Variants in ACSF2 observed in about 807,000 individuals in gnomAD.
ACSF2 encodes acyl-CoA synthetase family member 2, also known as medium-chain acyl-CoA ligase ACSF2, mitochondrial.
A neutral mutation model predicts 79.3 loss-of-function variants in ACSF2; 52 were observed. That is an observed-to-expected ratio of 0.66 (90% CI 0.53 to 0.83). The LOEUF is 0.83. Among genes scored for constraint, ACSF2 ranks in the 40% least tolerant of loss-of-function variants. The pLI, the probability that ACSF2 is intolerant of heterozygous loss-of-function variation, is 0.00. For synonymous variants in ACSF2, 283 were observed against 312.6 expected (o/e 0.91, Z 1.00); for missense variants, 661 against 803.3 (o/e 0.82, Z 2.14).
chr17:50,429,451 C>T (rs528522870), intron 1 of ACSF2, among the ~76,000 whole-genome samples: 68 of 152,092 alleles, frequency 4.5e-4, no homozygotes, highest in Middle Eastern at 3.4e-3. Flanking sequence ...AGCTACATGT[C>T]CAGTCCTTGG....
chr17:50,474,773 T>G lies in ACSF2; in HGVS notation c.*221T>G. The G allele has an allele frequency of 1.8e-6, 1 of 568,108 alleles. No individual in the cohort carries two copies. Among genetic ancestry groups the G allele is most frequent in the Non-Finnish European group, 3.1e-6 (1 of 320,860 alleles). 35.2% of individuals were successfully genotyped at this position (568,108 alleles called of 1,614,324 possible). A position where few individuals can be genotyped will look rare whatever the true frequency, so the allele number is the denominator to read the frequency against. On this transcript the variant is annotated 3_prime_UTR_variant, in exon 16 of 16. Coordinates refer to ENST00000300441, the MANE Select transcript of ACSF2 (RefSeq NM_025149.6). This position sits in a 1 kb window ranked among gnomAD's most constrained non-coding sequence, Gnocchi z 4.2. Reference sequence around the variant, plus strand: ...CAGCCTGCCCAGGCCCTCCCTCCTGTCCATCCCCCACATTCCCCTGTCTGT... The same window carrying G: ...CAGCCTGCCCAGGCCCTCCCTCCTGGCCATCCCCCACATTCCCCTGTCTGT...
intron 1 of ACSF2, among the ~76,000 whole-genome samples, chr17:50,451,727 G>A (rs1339173523): frequency 2.0e-5 from 3 of 152,238 alleles, no homozygotes; most frequent in Non-Finnish European, 4.4e-5. Flanking sequence ...TGGGATTATA[G>A]GCGTGAGCCA....
intron 4 of ACSF2, among the ~76,000 whole-genome samples, chr17:50,461,968 A>G (rs2032364975): frequency 6.9e-6 from 1 of 145,460 alleles, no homozygotes; most frequent in African/African-American, 2.8e-5. Context: ...GTCCATCCTC[A>G]TATGTGATGC....
chr17:50,430,196 C>G (rs1040584680), intron 1 of ACSF2, among the ~76,000 whole-genome samples: 2 of 152,110 alleles, frequency 1.3e-5, no homozygotes, highest in African/African-American at 4.8e-5. Flanking sequence ...TTGTGGACCA[C>G]CCTCCATGGG....
At chr17:50,462,650 C>G in intron 6 of ACSF2, 65 bp downstream of exon 6, 1 of 1,559,776 alleles carries the variant, frequency 6.4e-7, no homozygotes, top group South Asian at 1.2e-5. Flanking sequence ...TGTGACACTT[C>G]CGCGGGGATG....
intron 3 of ACSF2, 57 bp downstream of exon 3, chr17:50,461,427 G>A: frequency 6.2e-7 from 1 of 1,610,126 alleles, no homozygotes; most frequent in Non-Finnish European, 8.5e-7. Flanking sequence ...TCACTGAAGG[G>A]GAGCCCCTCA....
At chr17:50,470,999 T>C (rs2033091656) in intron 10 of ACSF2, 29 bp from the exon 11 acceptor site, 1 of 1,573,696 alleles carries the variant, frequency 6.4e-7, no homozygotes, top group Middle Eastern at 1.7e-4. Context: ...TGCTGAGCCC[T>C]CTTCAAACAC....
At chr17:50,461,157 C>T (rs1002105283) in intron 2 of ACSF2, 85 bp from the exon 3 acceptor site, 10 of 1,586,702 alleles carry the variant, frequency 6.3e-6, no homozygotes, top group Admixed American at 1.7e-5. Context: ...GTGATGAGAA[C>T]TCCGGGCTAA....
At chr17:50,435,160 G>A (rs1598391073) in intron 1 of ACSF2, among the ~76,000 whole-genome samples, 1 of 152,158 alleles carries the variant, frequency 6.6e-6, no homozygotes, top group East Asian at 1.9e-4. Context: ...GTGAGCCACC[G>A]TGCCTGGCCT....
Position 50,463,830 on chromosome 17 carries a change from GTA to G in ACSF2, c.1061_1062del (p.Tyr354TrpfsTer19). 1 of 1,614,090 alleles carries G rather than the reference GTA, an allele frequency of 6.2e-7. No individual in the cohort carries two copies. Among genetic ancestry groups the G allele is most frequent in the South Asian group, 1.1e-5 (1 of 91,074 alleles). Reference protein sequence around the residue: ...AISRERGTFLYGTPTMFVDIL... With the variant: ...AISRERGTFLXGTPTMFVDIL... ...TCCTCCTATACAGAGGCACCTTCCT[GTA>G]TGGTACCCCCACGATGTTCGTGGAC... On this transcript the variant is annotated frameshift_variant, in exon 9 of 16. Transcript: ENST00000300441. LOFTEE classifies it high-confidence loss of function. This position sits in a 1 kb window ranked among gnomAD's most constrained non-coding sequence, Gnocchi z 4.6.
At chr17:50,472,329 T>TG in intron 11 of ACSF2, 99 bp from the exon 12 acceptor site, 1 of 1,421,506 alleles carries the variant, frequency 7.0e-7, no homozygotes, top group Non-Finnish European at 9.4e-7. Context: ...GCAGTTGGGT[T>TG]GGGGGGTTGG....
At position 50,474,142 on chromosome 17, in the gene ACSF2, C is replaced by T. The variant is rs2033240010; in HGVS notation, c.1729-57C>T. 2.5e-6 allele frequency: 4 copies of T among 1,607,804 alleles called. No individual in the cohort carries two copies. In the South Asian group the frequency reaches 4.4e-5, roughly 18 times the overall value. ...CCAGGCCAGCCCCTGGTCCCCTACCCATACCCCTGTGAGCTTGCGCAGCCT... is the reference window on the plus strand; with the variant it reads ...CCAGGCCAGCCCCTGGTCCCCTACCTATACCCCTGTGAGCTTGCGCAGCCT... On this transcript the variant is annotated intron_variant, in intron 14 of 15. Coordinates refer to ENST00000300441, the MANE Select transcript of ACSF2 (RefSeq NM_025149.6). The surrounding 1 kb of genome is among the most constrained non-coding windows in gnomAD (Gnocchi z 4.2).
At chr17:50,461,725 T>C in intron 4 of ACSF2, 39 bp downstream of exon 4, 1 of 1,611,506 alleles carries the variant, frequency 6.2e-7, no homozygotes, top group Middle Eastern at 1.6e-4. Flanking sequence ...GGCTGGGGCC[T>C]GGCACAGGGG....
intron 1 of ACSF2, among the ~76,000 whole-genome samples, chr17:50,433,221 T>C (rs1372309475): frequency 6.6e-6 from 1 of 151,742 alleles, no homozygotes; most frequent in African/African-American, 2.4e-5. Context: ...TTCTCCTGCC[T>C]CAGCCTCCCA....
intron 1 of ACSF2, among the ~76,000 whole-genome samples, chr17:50,434,267 C>T (rs1387610636): frequency 2.0e-5 from 3 of 151,980 alleles, no homozygotes; most frequent in Non-Finnish European, 2.9e-5. Context: ...TGCAGTGAGC[C>T]GTGATCATGC....
chr17:50,474,330 C>G lies in ACSF2; in HGVS notation c.1797+63C>G. 6.4e-7 allele frequency: 1 copy of G among 1,566,946 alleles called. No homozygotes were observed. Among genetic ancestry groups the G allele is most frequent in the Non-Finnish European group, 8.8e-7 (1 of 1,139,118 alleles). ...GCTCTGGGGCCCCATAGGGCCCCAC[C>G]TCTGTTTCCTTCAGCAATGGGTGTG... On this transcript the variant is annotated intron_variant, in intron 15 of 15. Transcript: ENST00000300441. The surrounding 1 kb of genome is among the most constrained non-coding windows in gnomAD (Gnocchi z 4.2).
In ACSF2 at chr17:50,474,065, C is replaced by A; in HGVS notation, c.1728+61C>A. Reference sequence around the variant, plus strand: ...TGTTCTTTGCTCACCCACTCCTCTGCCAACCAGCCCAGGGTGGGGATTGCT... The same window carrying A: ...TGTTCTTTGCTCACCCACTCCTCTGACAACCAGCCCAGGGTGGGGATTGCT... On this transcript the variant is annotated intron_variant, in intron 14 of 15. Coordinates refer to ENST00000300441, the MANE Select transcript of ACSF2 (RefSeq NM_025149.6). The surrounding 1 kb of genome is among the most constrained non-coding windows in gnomAD (Gnocchi z 4.2). 6.4e-7 allele frequency: 1 copy of A among 1,558,166 alleles called. No homozygotes were observed. Among genetic ancestry groups the A allele is most frequent in the Non-Finnish European group, 8.7e-7 (1 of 1,146,758 alleles).
At chr17:50,468,708 C>G in intron 10 of ACSF2, 1 of 1,612,964 alleles carries the variant, frequency 6.2e-7, no homozygotes, top group Non-Finnish European at 8.5e-7. Flanking sequence ...TCGCAGATGA[C>G]GTGCTGCAGG....
chr17:50,470,311 C>T (rs892746068), intron 10 of ACSF2: 6 of 152,238 alleles, frequency 3.9e-5, no homozygotes, highest in African/African-American at 1.2e-4. Flanking sequence ...TTGGCCTAGA[C>T]CATTCCTTGA....
Sources: gnomAD v4.1 joint callset for allele counts (sites outside exome capture counted in the v4.1 genomes callset) on GRCh38, gnomAD v4.1.1 for gene constraint, Gnocchi (gnomAD v3.1) non-coding constraint, MANE v1.5 for transcripts, NCBI Gene and HGNC (gene_info 2026-07-23, HGNC 2026-07-21) for gene names.